MS4A4A: variants seen among roughly 807,000 people sequenced by gnomAD.
MS4A4A encodes the protein membrane spanning 4-domains A4A.
MS4A4A carries 26 observed loss-of-function variants against 28.0 expected under a neutral mutation model. The observed-to-expected ratio is 0.93, with a 90% CI of 0.68 to 1.29. The LOEUF (loss-of-function observed/expected upper bound fraction) is 1.29. Ranked by LOEUF, MS4A4A falls within the 50% of genes most tolerant of loss-of-function variation. The pLI is 0.00. For synonymous variants in MS4A4A, 86 were observed against 100.8 expected (o/e 0.85, Z 0.88); for missense variants, 290 against 293.1 (o/e 0.99, Z 0.08).
intron 2 of MS4A4A, among the ~76,000 whole-genome samples, chr11:60,294,467 A>G (rs1050463891): frequency 5.9e-5 from 9 of 152,154 alleles, no homozygotes; most frequent in African/African-American, 2.2e-4. Context: ...TAAGAAAATT[A>G]AGATGATTTA....
At chr11:60,298,765 G>A (rs1465823402) in intron 3 of MS4A4A, among the ~76,000 whole-genome samples, 1 of 152,220 alleles carries the variant, frequency 6.6e-6, no homozygotes, top group Non-Finnish European at 1.5e-5. Context: ...ACCAGGAACT[G>A]CAGGAGCCAT....
chr11:60,293,264 G>A (rs915101624), intron 2 of MS4A4A, among the ~76,000 whole-genome samples: 4 of 152,218 alleles, frequency 2.6e-5, no homozygotes, highest in South Asian at 2.1e-4. Context: ...CAGCATGTTG[G>A]TCAGGCTGGT....
rs2084916184 is a variant in MS4A4A at position 60,297,452 on chromosome 11, C to A, written c.330+127C>A. 5.7e-6 allele frequency: 6 copies of A among 1,051,754 alleles called. No homozygotes were observed. The South Asian group carries it at 7.0e-5, about 12-fold the overall frequency. 65.2% of individuals were successfully genotyped at this position (1,051,754 alleles called of 1,614,324 possible). On this transcript the variant is annotated intron_variant, in intron 3 of 6. Transcript: ENST00000337908. ...ATCTGAGAGTGGTATCTAACCATTTCTTACTCAATTTTCTCATATTTAAAG... is the reference window on the plus strand; with the variant it reads ...ATCTGAGAGTGGTATCTAACCATTTATTACTCAATTTTCTCATATTTAAAG...
At chr11:60,303,135 CT>C (rs1332592709) in intron 5 of MS4A4A, among the ~76,000 whole-genome samples, 1 of 152,176 alleles carries the variant, frequency 6.6e-6, no homozygotes, top group African/African-American at 2.4e-5. Flanking sequence ...GCTCAGTATC[CT>C]TTCCAACATC....
chr11:60,299,309 C>A (rs1056954500), intron 3 of MS4A4A, among the ~76,000 whole-genome samples: 5 of 152,056 alleles, frequency 3.3e-5, no homozygotes, highest in South Asian at 2.1e-4. Flanking sequence ...GGTAAATATA[C>A]CCAGAATAGT....
Position 60,302,667 on chromosome 11 carries a change from A to G in MS4A4A, c.496A>G (p.Asn166Asp). 1 of 1,613,982 alleles carries G rather than the reference A, an allele frequency of 6.2e-7. No homozygotes were observed. Residue 166 changes from asparagine to aspartate, a missense_variant, in exon 5 of 7, where the codon AAC becomes GAC. By Grantham distance (23) the Asn-to-Asp change is conservative. Coordinates refer to ENST00000337908, the MANE Select transcript of MS4A4A (RefSeq NM_148975.3). ...TTATTCATTCCATCACCCTTACTGT[A>G]ACTACTATGGCAACTCAAATAATTG... ...AFYSFHHPYC[N>D]YYGNSNNCHG...
At position 60,301,076 on chromosome 11, in the gene MS4A4A, T is replaced by C. The variant is rs1409130217; in HGVS notation, c.387+19T>C. On this transcript the variant is annotated intron_variant, in intron 4 of 6. Transcript: ENST00000337908. ...AGGCCTGGTGAGTAATATTTTCTTT[T>C]TTTGGTATCAAAAAAAGGAAGGATT... 3 of 1,555,520 alleles carry C rather than the reference T, an allele frequency of 1.9e-6. No individual in the cohort carries two copies. Among genetic ancestry groups the C allele is most frequent in the Non-Finnish European group, 1.7e-6 (2 of 1,147,572 alleles).
At chr11:60,304,035 C>G (rs1384152875) in intron 5 of MS4A4A, among the ~76,000 whole-genome samples, 1 of 152,102 alleles carries the variant, frequency 6.6e-6, no homozygotes, top group East Asian at 1.9e-4. Context: ...TACTTCTTGC[C>G]ACTCGCTCAA....
At chr11:60,282,308 G>T (rs2084761562) in intron 1 of MS4A4A, among the ~76,000 whole-genome samples, 1 of 152,222 alleles carries the variant, frequency 6.6e-6, no homozygotes. Flanking sequence ...GTGCCTGAGA[G>T]ATTGAGGCAG....
At chr11:60,306,226 A>G (rs1490552728) in intron 6 of MS4A4A, 25 bp downstream of exon 6, 4 of 1,558,490 alleles carry the variant, frequency 2.6e-6, no homozygotes. Flanking sequence ...TCATTTGAAG[A>G]TGACTGTATT....
chr11:60,292,487 A>C, intron 2 of MS4A4A, 103 bp downstream of exon 2: 1 of 1,194,924 alleles, frequency 8.4e-7, no homozygotes, highest in South Asian at 1.9e-5. Flanking sequence ...TACAACAGCC[A>C]ACCCTCACGA....
intron 2 of MS4A4A, among the ~76,000 whole-genome samples, chr11:60,293,998 A>C (rs1379723495): frequency 6.6e-6 from 1 of 152,188 alleles, no homozygotes; most frequent in Non-Finnish European, 1.5e-5. Context: ...AGTGTATTGT[A>C]AGTAAGAGTA....
intron 5 of MS4A4A, among the ~76,000 whole-genome samples, chr11:60,303,271 T>G (rs2135031841): frequency 6.6e-6 from 1 of 152,360 alleles, no homozygotes. Context: ...GCTATCCTAA[T>G]TGCTTTATTC....
Position 60,281,974 on chromosome 11 carries a change from C to T in MS4A4A, c.41+1258C>T, listed in dbSNP as rs576740653. 3.9e-5 allele frequency among the ~76,000 whole-genome samples: 6 copies of T among 152,176 alleles called. No homozygotes were observed. The South Asian group carries it at 6.2e-4, about 16-fold the overall frequency. Reference sequence around the variant, plus strand: ...GAAGTCAAGCCCTGGATGGTAAACACGTTTTTGTTCTTGGGGACTTCATGT... The same window carrying T: ...GAAGTCAAGCCCTGGATGGTAAACATGTTTTTGTTCTTGGGGACTTCATGT... On this transcript the variant is annotated intron_variant, in intron 1 of 6. Transcript: ENST00000337908.
chr11:60,302,631 A>G lies in MS4A4A; in HGVS notation c.460A>G (p.Ser154Gly), dbSNP rs200206079. ...AASGILINTF[S>G]LAFYSFHHPY... ...ATCAGGGATCTTAATCAACACATTTAGCTTGGCGTTTTATTCATTCCATCA... is the reference window on the plus strand; with the variant it reads ...ATCAGGGATCTTAATCAACACATTTGGCTTGGCGTTTTATTCATTCCATCA... Residue 154 changes from serine to glycine, a missense_variant, in exon 5 of 7, where the codon AGC becomes GGC. Physicochemically the swap from Ser to Gly is moderately conservative, Grantham distance 56. Transcript: ENST00000337908. 2.3e-5 allele frequency: 37 copies of G among 1,613,990 alleles called. No homozygotes were observed. Among genetic ancestry groups the G allele is most frequent in the Non-Finnish European group, 3.1e-5 (37 of 1,179,988 alleles).
Position 60,297,213 on chromosome 11 carries a change from C to G in MS4A4A, c.218C>G (p.Thr73Ser). 1 of 1,613,360 alleles carries G rather than the reference C, an allele frequency of 6.2e-7. No homozygotes were observed. The highest frequency in any genetic ancestry group is 8.5e-7 in the Non-Finnish European group (1 of 1,179,528). Residue 73 changes from threonine to serine, a missense_variant, in exon 3 of 7, where the codon ACT becomes AGT. Coordinates refer to ENST00000337908, the MANE Select transcript of MS4A4A (RefSeq NM_148975.3). The part of the protein sequence containing the change: ...PKVLGVVQIL[T>S]ALMSLSMGIT... The stretch of plus-strand genomic sequence containing the variant: ...CATTTTTAGGTTGTGCAGATTCTGA[C>G]TGCCCTGATGAGCCTTAGCATGGGA...
At chr11:60,299,448 C>CTTTTTTTTTTTTTTTTTTTTTTTTTTTTT (rs5792179) in intron 3 of MS4A4A, among the ~76,000 whole-genome samples, 1 of 113,232 alleles carries the variant, frequency 8.8e-6, no homozygotes, top group Non-Finnish European at 1.7e-5. Context: ...AATTACAATT[C>CTTTTTTTTTTTTTTTTTTTTTTTTTTTTT]TTTTTTTTTT....
At chr11:60,307,007 A>C (rs2085008954) in intron 6 of MS4A4A, among the ~76,000 whole-genome samples, 1 of 152,178 alleles carries the variant, frequency 6.6e-6, no homozygotes, top group Non-Finnish European at 1.5e-5. Flanking sequence ...CAGGGAATGG[A>C]AGGAAAGAAG....
intron 1 of MS4A4A, among the ~76,000 whole-genome samples, chr11:60,285,035 A>G (rs911637213): frequency 6.6e-6 from 1 of 152,216 alleles, no homozygotes; most frequent in Admixed American, 6.5e-5. Flanking sequence ...CTCTTTCAAA[A>G]AAGTAAGGTG....
Sources: allele counts gnomAD v4.1 joint callset (sites outside exome capture counted in the v4.1 genomes callset), GRCh38; gene constraint gnomAD v4.1.1; transcripts MANE v1.5; gene names NCBI Gene and HGNC (gene_info 2026-07-23, HGNC 2026-07-21).